The following EPB41L4A variants were observed in gnomAD, a reference collection of about 807,000 sequenced individuals.
EPB41L4A encodes band 4.1-like protein 4A.
A neutral mutation model predicts 108.6 loss-of-function variants in EPB41L4A; 100 were observed. The observed-to-expected ratio is 0.92, with a 90% CI of 0.78 to 1.09. EPB41L4A has a LOEUF of 1.09. Ranked by LOEUF, EPB41L4A falls within the 50% of genes least tolerant of loss-of-function variation. EPB41L4A has a pLI of 0.00. For missense variants in EPB41L4A, 1,030 were observed against 842.7 expected (o/e 1.22, Z -2.75); for synonymous variants, 319 against 289.0 (o/e 1.10, Z -1.05).
intron 1 of EPB41L4A, among the ~76,000 whole-genome samples, chr5:112,327,427 C>T (rs1439835684): frequency 6.6e-6 from 1 of 152,090 alleles, no homozygotes; most frequent in Admixed American, 6.6e-5. Context: ...GTAAGAATTG[C>T]AACTTAGACT....
At chr5:112,248,822 G>A (rs1043088358) in intron 9 of EPB41L4A, among the ~76,000 whole-genome samples, 33 of 152,028 alleles carry the variant, frequency 2.2e-4, no homozygotes, top group Admixed American at 8.5e-4. Flanking sequence ...CACTTTTTCT[G>A]CCTGGGCCTA....
In EPB41L4A at chr5:112,409,413, T is replaced by C. The variant is rs1762284945; in HGVS notation, c.99+9528A>G. On this transcript the variant is annotated intron_variant, in intron 1 of 22. Coordinates refer to ENST00000261486, the MANE Select transcript of EPB41L4A (RefSeq NM_022140.5). ...AATCTTATAAAATTGATTGTGGTGA[T>C]GGCTGCACAATTCCGTAAATATATG... Among the ~76,000 whole-genome samples, 3 of 151,934 alleles carry C rather than the reference T, an allele frequency of 2.0e-5. No individual in the cohort carries two copies. The South Asian group carries it at 6.2e-4, about 31-fold the overall frequency.
chr5:112,185,771 C>T (rs575637198), intron 17 of EPB41L4A, among the ~76,000 whole-genome samples: 9 of 152,178 alleles, frequency 5.9e-5, no homozygotes, highest in East Asian at 1.9e-4. Flanking sequence ...AGGTATACTA[C>T]TTGAGGTCAT....
At chr5:112,279,090 T>C (rs1271749979) in intron 3 of EPB41L4A, among the ~76,000 whole-genome samples, 1 of 146,734 alleles carries the variant, frequency 6.8e-6, no homozygotes, top group Admixed American at 6.8e-5. Flanking sequence ...AAAAAAATCA[T>C]TCCTGAAATT....
Position 112,280,255 on chromosome 5 carries a change from A to G in EPB41L4A, c.256+17T>C. The G allele has an allele frequency of 6.2e-7, 1 of 1,611,374 alleles. No individual in the cohort carries two copies. The highest frequency in any genetic ancestry group is 2.2e-5 in the East Asian group (1 of 44,858). On this transcript the variant is annotated intron_variant, in intron 3 of 22. Transcript: ENST00000261486. ...TTTTCAAGCCACCCTTTAACAAAGTAAAAGCTAAATACCTACTGTTGATCA... is the reference window on the plus strand; with the variant it reads ...TTTTCAAGCCACCCTTTAACAAAGTGAAAGCTAAATACCTACTGTTGATCA...
At chr5:112,294,243 C>A (rs1442770197) in intron 2 of EPB41L4A, among the ~76,000 whole-genome samples, 1 of 152,052 alleles carries the variant, frequency 6.6e-6, no homozygotes, top group Admixed American at 6.5e-5. Context: ...AAATGAACAG[C>A]AGGAGAGGCC....
intron 2 of EPB41L4A, among the ~76,000 whole-genome samples, chr5:112,303,957 G>T (rs1031471938): frequency 1.3e-5 from 2 of 152,042 alleles, no homozygotes; most frequent in African/African-American, 4.8e-5. Context: ...GAGCAGGTAG[G>T]GTACAGAGAC....
intron 1 of EPB41L4A, among the ~76,000 whole-genome samples, chr5:112,325,805 G>A (rs1756119926): frequency 6.6e-6 from 1 of 152,082 alleles, no homozygotes; most frequent in Non-Finnish European, 1.5e-5. Context: ...TGGGATAACT[G>A]AACTCAGTAA....
At position 112,305,509 on chromosome 5, in the gene EPB41L4A, T is replaced by C. The variant is rs75417285; in HGVS notation, c.204+1877A>G. Among the ~76,000 whole-genome samples the C allele has an allele frequency of 3.3e-5, 5 of 152,328 alleles. No individual in the cohort carries two copies. In the East Asian group the frequency reaches 9.6e-4, roughly 29 times the overall value. ...ATGATTTTTTAACCATACCCTGTAC[T>C]ATTTTCACACAGGGTTTTTTTTAAA... On this transcript the variant is annotated intron_variant, in intron 2 of 22. Coordinates refer to ENST00000261486, the MANE Select transcript of EPB41L4A (RefSeq NM_022140.5).
At chr5:112,384,576 G>C (rs1760378737) in intron 1 of EPB41L4A, among the ~76,000 whole-genome samples, 1 of 152,002 alleles carries the variant, frequency 6.6e-6, no homozygotes, top group African/African-American at 2.4e-5. Context: ...CATGGAAACA[G>C]ATGGGAGCAG....
At chr5:112,232,920 A>G (rs942635132) in intron 12 of EPB41L4A, among the ~76,000 whole-genome samples, 1 of 152,222 alleles carries the variant, frequency 6.6e-6, no homozygotes, top group Non-Finnish European at 1.5e-5. Flanking sequence ...AGGGTGATCT[A>G]TAAGCAAGCC....
chr5:112,418,941 C>T lies in EPB41L4A; in HGVS notation c.99G>A (p.Lys33=). Residue 33 remains lysine (K), a splice_region_variant and synonymous_variant, in exon 1 of 23, where the codon AAG becomes AAA. Transcript: ENST00000261486. ...LTLTTQQQGI[K]KSTKGSVVLD... is the part of the protein sequence containing the mutation. ...GGAACGCGCTCCGGGCCGCACCCAC[C>T]TTGATGCCCTGCTGCTGGGTGGTAA... 2 of 1,612,624 alleles carry T rather than the reference C, an allele frequency of 1.2e-6. No homozygotes were observed. The highest frequency in any genetic ancestry group is 8.5e-7 in the Non-Finnish European group (1 of 1,179,128).
At position 112,266,286 on chromosome 5, in the gene EPB41L4A, C is replaced by T. The variant is rs199808809; in HGVS notation, c.380G>A (p.Arg127His). 3.9e-5 allele frequency: 62 copies of T among 1,610,206 alleles called. No individual in the cohort carries two copies. Among genetic ancestry groups the T allele is most frequent in the African/African-American group, 2.3e-4 (17 of 74,958 alleles). Residue 127 changes from arginine to histidine, a missense_variant, in exon 5 of 23, where the codon CGT becomes CAT. Coordinates refer to ENST00000261486, the MANE Select transcript of EPB41L4A (RefSeq NM_022140.5). ...LQVKQDVLQG[R>H]LPCPVNTAAQ... Reference sequence around the variant, plus strand: ...AGCAGTGTTGACGGGACAGGGCAGACGGCCCTGAAGGACATCTTGCTTCAC... The same window carrying T: ...AGCAGTGTTGACGGGACAGGGCAGATGGCCCTGAAGGACATCTTGCTTCAC...
rs148433133 is a variant in EPB41L4A at position 112,375,308 on chromosome 5, GTCTC to G, written c.99+43629_99+43632del. On this transcript the variant is annotated intron_variant, in intron 1 of 22. Coordinates refer to ENST00000261486, the MANE Select transcript of EPB41L4A (RefSeq NM_022140.5). ...TGACCCACAGACCATAACAAGGTCA[GTCTC>G]TCTCTCTCTCGCACACACACACATA... Among the ~76,000 whole-genome samples the G allele has an allele frequency of 5.3e-4, 70 of 131,902 alleles. No individual in the cohort carries two copies. The South Asian group carries it at 0.012, about 23-fold the overall frequency. The allele number at this position is 131,902 out of a possible 152,430, so 86.5% of individuals were successfully genotyped here. A position where few individuals can be genotyped will look rare whatever the true frequency, so the allele number is the denominator to read the frequency against.
At chr5:112,334,028 G>A (rs1431194605) in intron 1 of EPB41L4A, among the ~76,000 whole-genome samples, 1 of 152,166 alleles carries the variant, frequency 6.6e-6, no homozygotes. Context: ...AGGCCATGAT[G>A]GGAACGGGTT....
chr5:112,325,442 T>TCA (rs1363738125), intron 1 of EPB41L4A, among the ~76,000 whole-genome samples: 4 of 103,508 alleles, frequency 3.9e-5, no homozygotes, highest in African/African-American at 1.2e-4. Flanking sequence ...CTCCGTCTCA[T>TCA]AAAAAAAAAA....
intron 6 of EPB41L4A, chr5:112,264,438 T>C (rs866322630): frequency 3.9e-5 from 6 of 153,084 alleles, no homozygotes; most frequent in East Asian, 1.9e-4. Context: ...AGAGGAAACA[T>C]TGAAGAATAT....
chr5:112,377,839 T>C (rs1465783537), intron 1 of EPB41L4A, among the ~76,000 whole-genome samples: 2 of 151,796 alleles, frequency 1.3e-5, no homozygotes, highest in African/African-American at 2.4e-5. Context: ...TTCACACAAA[T>C]TGGGAAGAGA....
intron 1 of EPB41L4A, among the ~76,000 whole-genome samples, chr5:112,308,365 T>C (rs983708195): frequency 1.3e-5 from 2 of 152,212 alleles, no homozygotes; most frequent in African/African-American, 4.8e-5. Context: ...GATGCGTTTA[T>C]CCACATATGG....
Sources: allele counts gnomAD v4.1 joint callset (sites outside exome capture counted in the v4.1 genomes callset), GRCh38; gene constraint gnomAD v4.1.1; transcripts MANE v1.5; gene names NCBI Gene and HGNC (gene_info 2026-07-23, HGNC 2026-07-21).